The following FGD4 variants were observed in gnomAD, a reference collection of about 807,000 sequenced individuals.
FGD4 encodes FYVE, RhoGEF and PH domain containing 4, also known as FYVE, RhoGEF and PH domain-containing protein 4.
In FGD4, 42 loss-of-function variants were observed where a neutral mutation model predicts 102.0. The observed-to-expected ratio is 0.41, with a 90% confidence interval of 0.32 to 0.53. FGD4 has a LOEUF of 0.53. Ranked by LOEUF, FGD4 falls within the 20% of genes least tolerant of loss-of-function variation. The pLI is 0.21. For missense variants in FGD4, 902 were observed against 1,078.2 expected, an observed-to-expected ratio of 0.84 and a Z score of 2.29; for synonymous variants, 380 against 375.7, an observed-to-expected ratio of 1.01 and a Z score of -0.13.
intron 1 of FGD4, among the ~76,000 whole-genome samples, chr12:32,515,328 T>G (rs943375010): frequency 6.6e-6 from 1 of 152,164 alleles, no homozygotes; most frequent in African/African-American, 2.4e-5. Context: ...TTTCTCTGAT[T>G]AGATTGGGTG....
At chr12:32,636,707 A>G (rs893480205) in intron 15 of FGD4, among the ~76,000 whole-genome samples, 3 of 151,662 alleles carry the variant, frequency 2.0e-5, no homozygotes, top group Non-Finnish European at 4.4e-5. Flanking sequence ...AACTGGTAAC[A>G]TAAACCATTT....
chr12:32,399,683 G>A lies in FGD4; in HGVS notation c.-111G>A, dbSNP rs1591828737. 3.7e-5 allele frequency: 54 copies of A among 1,457,334 alleles called. No homozygotes were observed. Among genetic ancestry groups the A allele is most frequent in the African/African-American group, 7.4e-5 (5 of 67,510 alleles). 90.3% of individuals were successfully genotyped at this position (1,457,334 alleles called of 1,614,324 possible). ...TCGCTGAGGAGACGCCGCAGTAGAG[G>A]GCGCCCCCGGAGTCGCGCCGAACCT... On this transcript the variant is annotated 5_prime_UTR_variant, in exon 1 of 17. Coordinates refer to ENST00000534526, the MANE Select transcript of FGD4 (RefSeq NM_001370298.3).
intron 1 of FGD4, among the ~76,000 whole-genome samples, chr12:32,559,851 A>G (rs981038095): frequency 2.0e-5 from 3 of 152,200 alleles, no homozygotes; most frequent in African/African-American, 2.4e-5. Context: ...AAAAGACTCA[A>G]CGTAATTTGT....
intron 14 of FGD4, among the ~76,000 whole-genome samples, chr12:32,632,704 TA>T (rs1460938353): frequency 2.8e-4 from 34 of 121,992 alleles, no homozygotes; most frequent in Non-Finnish European, 4.7e-4. Flanking sequence ...TTTATTTATT[TA>T]TTTATTTATT....
Position 32,608,040 on chromosome 12 carries a change from T to C in FGD4, c.1488T>C (p.Leu496=). ...VQRIPRYEML[L]KDYLRKLPPD... The stretch of plus-strand genomic sequence containing the variant: ...GGATTCCCCGGTATGAGATGCTCCT[T>C]AAGGACTATCTAAGGAAATTGCCTC... Residue 496 remains leucine (L), a synonymous_variant, in exon 8 of 17, where the codon CTT becomes CTC. Coordinates refer to ENST00000534526, the MANE Select transcript of FGD4 (RefSeq NM_001370298.3). The C allele has an allele frequency of 1.2e-6, 2 of 1,614,232 alleles. No individual in the cohort carries two copies. The highest frequency in any genetic ancestry group is 1.7e-6 in the Non-Finnish European group (2 of 1,180,036).
intron 1 of FGD4, among the ~76,000 whole-genome samples, chr12:32,496,005 G>A (rs1937796008): frequency 6.6e-6 from 1 of 152,048 alleles, no homozygotes; most frequent in South Asian, 2.1e-4. Context: ...TTGGGCTTGG[G>A]GTAGAAAAGT....
rs1475941092 is a variant in FGD4, at chr12:32,633,404, C to T, written c.2173-145C>T. On this transcript the variant is annotated intron_variant, in intron 14 of 16. Coordinates refer to ENST00000534526, the MANE Select transcript of FGD4 (RefSeq NM_001370298.3). The stretch of plus-strand genomic sequence containing the variant: ...GGTTGAAACACCTTGATATGTACTT[C>T]TAGTGTTTATAGGGATGTTCCTTTT... The T allele has an allele frequency of 4.0e-5, 32 of 793,984 alleles. No homozygotes were observed. The Admixed American group carries it at 7.3e-4, about 18-fold the overall frequency. 49.2% of individuals were successfully genotyped at this position (793,984 alleles called of 1,614,324 possible).
chr12:32,510,961 T>G (rs1025712195), intron 1 of FGD4, among the ~76,000 whole-genome samples: 1 of 152,110 alleles, frequency 6.6e-6, no homozygotes, highest in East Asian at 1.9e-4. Context: ...AGGTGTGAAA[T>G]TATATAGAAG....
intron 1 of FGD4, among the ~76,000 whole-genome samples, chr12:32,407,630 T>C (rs932135017): frequency 2.6e-5 from 4 of 152,200 alleles, no homozygotes; most frequent in Non-Finnish European, 5.9e-5. Flanking sequence ...TACTTTTTGC[T>C]CATTTCTGTT....
chr12:32,586,020 A>G (rs571965898), intron 4 of FGD4, among the ~76,000 whole-genome samples: 27 of 152,024 alleles, frequency 1.8e-4, no homozygotes, highest in Non-Finnish European at 3.1e-4. Context: ...AGCAATGAGT[A>G]GAGGCAAGAT....
chr12:32,631,355 C>T (rs1204123104), intron 14 of FGD4, among the ~76,000 whole-genome samples: 2 of 152,098 alleles, frequency 1.3e-5, no homozygotes, highest in East Asian at 3.8e-4. Context: ...TAGGTGTTCC[C>T]AGTGTCATGA....
chr12:32,622,005 A>G (rs572444197), intron 11 of FGD4, among the ~76,000 whole-genome samples: 1 of 152,040 alleles, frequency 6.6e-6, no homozygotes, highest in South Asian at 2.1e-4. Flanking sequence ...TTTGTGCCTC[A>G]GCCTCCCGAG....
Position 32,468,682 on chromosome 12 carries a change from C to T in FGD4, c.166+68723C>T, listed in dbSNP as rs867166693. Among the ~76,000 whole-genome samples, 11 of 152,266 alleles carry T rather than the reference C, an allele frequency of 7.2e-5. No individual in the cohort carries two copies. In the Middle Eastern group the frequency reaches 0.017, roughly 235 times the overall value. Reference sequence around the variant, plus strand: ...GCTTGAGTCCAGGAGGTTGAGGCTGCAGTGAGCTATGATCGCCCAACTGTA... The same window carrying T: ...GCTTGAGTCCAGGAGGTTGAGGCTGTAGTGAGCTATGATCGCCCAACTGTA... On this transcript the variant is annotated intron_variant, in intron 1 of 16. Coordinates refer to ENST00000534526, the MANE Select transcript of FGD4 (RefSeq NM_001370298.3).
intron 1 of FGD4, among the ~76,000 whole-genome samples, chr12:32,435,498 A>AGTGTGTGTGTGTGT (rs3076971): frequency 0.02 from 2,985 of 149,602 alleles, 92 homozygotes; most frequent in African/African-American, 0.059. Context: ...CAATTAAAAA[A>AGTGTGTGTGTGTGT]GTGTGTGTGT....
At chr12:32,438,895 A>C (rs2136451371) in intron 1 of FGD4, among the ~76,000 whole-genome samples, 1 of 152,302 alleles carries the variant, frequency 6.6e-6, no homozygotes, top group African/African-American at 2.4e-5. Flanking sequence ...GGCGTGAGCC[A>C]CTGCGCCCGG....
intron 1 of FGD4, among the ~76,000 whole-genome samples, chr12:32,439,109 A>G (rs1591902821): frequency 1.3e-5 from 2 of 152,234 alleles, no homozygotes; most frequent in Non-Finnish European, 1.5e-5. Flanking sequence ...CTTTGACCAA[A>G]CATTTCCCCA....
chr12:32,641,425 A>G lies in FGD4; in HGVS notation c.*892A>G, dbSNP rs1951152553. 1 of 152,198 alleles carries G rather than the reference A, an allele frequency of 6.6e-6. No individual in the cohort carries two copies. Among genetic ancestry groups the G allele is most frequent in the Non-Finnish European group, 1.5e-5 (1 of 68,034 alleles). The allele number at this position is 152,198 out of a possible 1,614,324, so 9.4% of individuals were successfully genotyped here. On this transcript the variant is annotated 3_prime_UTR_variant, in exon 17 of 17. Coordinates refer to ENST00000534526, the MANE Select transcript of FGD4 (RefSeq NM_001370298.3). ...GCCTATTTAAAACAGTGCCTCTCTTAGAAGGTGCTATTAATATAAGATGAG... is the reference window on the plus strand; with the variant it reads ...GCCTATTTAAAACAGTGCCTCTCTTGGAAGGTGCTATTAATATAAGATGAG...
At chr12:32,527,956 TC>T (rs1941426261) in intron 1 of FGD4, among the ~76,000 whole-genome samples, 1 of 151,592 alleles carries the variant, frequency 6.6e-6, no homozygotes. Flanking sequence ...ATTTCCTTTT[TC>T]TTTTTTCTTT....
intron 1 of FGD4, among the ~76,000 whole-genome samples, chr12:32,407,972 C>CTTTATTTATTTA (rs59676286): frequency 9.5e-4 from 139 of 145,636 alleles, no homozygotes; most frequent in Middle Eastern, 3.5e-3. Context: ...TAATCCTAGA[C>CTTTATTTATTTA]TTTATTTATT....
Sources: gnomAD v4.1 joint callset for allele counts (sites outside exome capture counted in the v4.1 genomes callset) on GRCh38, gnomAD v4.1.1 for gene constraint, MANE v1.5 for transcripts, NCBI Gene and HGNC (gene_info 2026-07-23, HGNC 2026-07-21) for gene names.